PLEKHH1: variants seen among roughly 807,000 people sequenced by gnomAD.
PLEKHH1 encodes pleckstrin homology, MyTH4 and FERM domain containing H1.
Under a neutral mutation model 160.0 loss-of-function variants are expected in PLEKHH1, and 104 were observed. That is an observed-to-expected ratio of 0.65 (90% confidence interval 0.55 to 0.76). The LOEUF is 0.76. PLEKHH1 is among the 30% of genes least tolerant of loss of function. The pLI, the probability that PLEKHH1 is intolerant of heterozygous loss-of-function variation, is 0.00. For synonymous variants in PLEKHH1, 619 were observed against 678.4 expected (o/e 0.91, Z 1.36); for missense variants, 1,427 against 1,724.1 (o/e 0.83, Z 3.05).
At chr14:67,580,793 T>G in intron 22 of PLEKHH1, 145 bp from the exon 23 acceptor site, 2 of 595,932 alleles carry the variant, frequency 3.4e-6, no homozygotes, top group Non-Finnish European at 6.0e-6. Context: ...CCAGGAAGCA[T>G]GAAGCTCCGC....
In PLEKHH1 at chr14:67,576,271, A is replaced by C. The variant is rs369113325; in HGVS notation, c.2353-124A>C. 6 of 632,242 alleles carry C rather than the reference A, an allele frequency of 9.5e-6. No individual in the cohort carries two copies. Among genetic ancestry groups the C allele is most frequent in the South Asian group, 6.0e-5 (3 of 50,404 alleles). 39.2% of individuals were successfully genotyped at this position (632,242 alleles called of 1,614,324 possible). On this transcript the variant is annotated intron_variant, in intron 16 of 28. Transcript: ENST00000329153. The surrounding 1 kb of genome is among the most constrained non-coding windows in gnomAD (Gnocchi z 4.0). The stretch of plus-strand genomic sequence containing the variant: ...TCCTCAGTCTTTCCAGGTAGCCCTG[A>C]CTCATGCCAACCAAACTAGCTGAAC...
chr14:67,559,845 G>A (rs533951017), intron 5 of PLEKHH1, among the ~76,000 whole-genome samples, 154 bp downstream of exon 5: 5 of 152,202 alleles, frequency 3.3e-5, no homozygotes, highest in South Asian at 2.1e-4. Context: ...CTGAGACACC[G>A]TAGTTCACTT....
rs1261531795 is a variant in PLEKHH1, at chr14:67,588,891, A to G, written c.*1656A>G. The G allele has an allele frequency of 2.0e-5, 3 of 152,762 alleles. No individual in the cohort carries two copies. Among genetic ancestry groups the G allele is most frequent in the African/African-American group, 7.2e-5 (3 of 41,574 alleles). The allele number at this position is 152,762 out of a possible 1,614,324, so 9.5% of individuals were successfully genotyped here. On this transcript the variant is annotated 3_prime_UTR_variant, in exon 29 of 29. Coordinates refer to ENST00000329153, the MANE Select transcript of PLEKHH1 (RefSeq NM_020715.3). ...AAACTGACAAGCATGATGAAAAAAG[A>G]AGCACATCCAAGTTTCTGCCTCTTT...
At chr14:67,565,936 A>G (rs2035067532) in intron 7 of PLEKHH1, among the ~76,000 whole-genome samples, 1 of 152,172 alleles carries the variant, frequency 6.6e-6, no homozygotes, top group African/African-American at 2.4e-5. Context: ...CCTGGCCAAC[A>G]TGGCGAAACC....
Position 67,542,537 on chromosome 14 carries a change from A to G in PLEKHH1, c.126+544A>G, listed in dbSNP as rs549703209. ...GTCTACTTCTAAGAGTTATTTTGAG[A>G]ATTATATCAGATCACATATGTAAAG... On this transcript the variant is annotated intron_variant, in intron 2 of 28. Coordinates refer to ENST00000329153, the MANE Select transcript of PLEKHH1 (RefSeq NM_020715.3). Among the ~76,000 whole-genome samples, 33 of 152,176 alleles carry G rather than the reference A, an allele frequency of 2.2e-4. No individual in the cohort carries two copies. In the South Asian group the frequency reaches 6.4e-3, roughly 30 times the overall value.
Position 67,574,449 on chromosome 14 carries a change from T to A in PLEKHH1, c.2088+46T>A, listed in dbSNP as rs1462139270. ...GGCAGGAACATGTGCCTCCTGCGAA[T>A]CAGGGGAGCCAGGATTGGGGTGCCG... On this transcript the variant is annotated intron_variant, in intron 14 of 28. Transcript: ENST00000329153. This position sits in a 1 kb window ranked among gnomAD's most constrained non-coding sequence, Gnocchi z 4.2. 7.1e-7 allele frequency: 1 copy of A among 1,415,152 alleles called. No homozygotes were observed. Among genetic ancestry groups the A allele is most frequent in the Non-Finnish European group, 9.3e-7 (1 of 1,072,186 alleles). 87.7% of individuals were successfully genotyped at this position (1,415,152 alleles called of 1,614,324 possible). A position where few individuals can be genotyped will look rare whatever the true frequency, so the allele number is the denominator to read the frequency against.
intron 28 of PLEKHH1, 27 bp downstream of exon 28, chr14:67,586,124 C>A: frequency 6.2e-7 from 1 of 1,611,956 alleles, no homozygotes; most frequent in Non-Finnish European, 8.5e-7. Flanking sequence ...TTAAAACGTT[C>A]TACTCTGGCA....
intron 9 of PLEKHH1, 176 bp downstream of exon 9, chr14:67,570,188 T>A (rs1399971929): frequency 6.8e-6 from 2 of 292,714 alleles, no homozygotes. Flanking sequence ...TTATAAAAAT[T>A]CCACATTTAC....
chr14:67,573,247 T>C lies in PLEKHH1; in HGVS notation c.1729-29T>C. ...CTAGGAGCCCTGAGTGATTTCCCCTTTCTTCATCTACACCCTTCCACCCCT... is the reference window on the plus strand; with the variant it reads ...CTAGGAGCCCTGAGTGATTTCCCCTCTCTTCATCTACACCCTTCCACCCCT... On this transcript the variant is annotated intron_variant, in intron 11 of 28. Coordinates refer to ENST00000329153, the MANE Select transcript of PLEKHH1 (RefSeq NM_020715.3). This position sits in a 1 kb window ranked among gnomAD's most constrained non-coding sequence, Gnocchi z 4.8. The C allele has an allele frequency of 7.0e-7, 1 of 1,423,402 alleles. No homozygotes were observed. The highest frequency in any genetic ancestry group is 9.9e-7 in the Non-Finnish European group (1 of 1,009,950). The allele number at this position is 1,423,402 out of a possible 1,614,324, so 88.2% of individuals were successfully genotyped here.
chr14:67,573,436 C>A lies in PLEKHH1; in HGVS notation c.1839+50C>A, dbSNP rs1320338337. The A allele has an allele frequency of 9.0e-7, 1 of 1,112,350 alleles. No individual in the cohort carries two copies. Among genetic ancestry groups the A allele is most frequent in the Non-Finnish European group, 1.4e-6 (1 of 725,966 alleles). The allele number at this position is 1,112,350 out of a possible 1,614,324, so 68.9% of individuals were successfully genotyped here. On this transcript the variant is annotated intron_variant, in intron 12 of 28. Transcript: ENST00000329153. The surrounding 1 kb of genome is among the most constrained non-coding windows in gnomAD (Gnocchi z 4.8). ...GCAGTCAAAAGGTCTCCACATCACACCCTGGACTATGTCAGATGGGACGGA... is the reference window on the plus strand; with the variant it reads ...GCAGTCAAAAGGTCTCCACATCACAACCTGGACTATGTCAGATGGGACGGA...
chr14:67,565,932 C>T (rs1021973799), intron 7 of PLEKHH1, among the ~76,000 whole-genome samples: 20 of 152,110 alleles, frequency 1.3e-4, no homozygotes, highest in African/African-American at 4.8e-4. Context: ...CCAGCCTGGC[C>T]AACATGGCGA....
At chr14:67,545,288 G>A (rs1358833048) in intron 2 of PLEKHH1, among the ~76,000 whole-genome samples, 1 of 152,174 alleles carries the variant, frequency 6.6e-6, no homozygotes, top group Non-Finnish European at 1.5e-5. Context: ...AAGAAGGTTT[G>A]TACATTTCTA....
Position 67,588,336 on chromosome 14 carries a change from G to C in PLEKHH1, c.*1101G>C, listed in dbSNP as rs1054620968. 1 of 152,564 alleles carries C rather than the reference G, an allele frequency of 6.6e-6. No homozygotes were observed. The highest frequency in any genetic ancestry group is 2.4e-5 in the African/African-American group (1 of 41,426). 9.5% of individuals were successfully genotyped at this position (152,564 alleles called of 1,614,324 possible). A position where few individuals can be genotyped will look rare whatever the true frequency, so the allele number is the denominator to read the frequency against. On this transcript the variant is annotated 3_prime_UTR_variant, in exon 29 of 29. Transcript: ENST00000329153. Reference sequence around the variant, plus strand: ...TGCACTCTGCTTTTTGCTGCTGTAAGACCACCAAAAATGAGTCAGAAACAC... The same window carrying C: ...TGCACTCTGCTTTTTGCTGCTGTAACACCACCAAAAATGAGTCAGAAACAC...
Position 67,584,088 on chromosome 14 carries a change from A to C in PLEKHH1, c.3663A>C (p.Lys1221Asn). The change falls in exon 26 of 29, where the codon AAA (lysine) becomes AAC (asparagine). Residue 1221 changes from lysine (K) to asparagine (N), a missense_variant. Lys to Asn is a moderately conservative substitution (Grantham distance 94). Coordinates refer to ENST00000329153, the MANE Select transcript of PLEKHH1 (RefSeq NM_020715.3). ...CIRIYLTVAR[K>N]WPFFGAKLFA... is the part of the protein sequence containing the mutation. ...GCATCTACCTGACCGTGGCCAGGAA[A>C]TGGCCTTTCTTTGGTGCTAAACTTT... is the stretch of plus-strand genomic sequence containing the variant. The C allele has an allele frequency of 6.2e-7, 1 of 1,613,986 alleles. No homozygotes were observed. Among genetic ancestry groups the C allele is most frequent in the South Asian group, 1.1e-5 (1 of 91,082 alleles).
rs1462240674 is a variant in PLEKHH1 at position 67,588,437 on chromosome 14, G to A, written c.*1202G>A. 6.6e-6 allele frequency: 1 copy of A among 152,416 alleles called. No individual in the cohort carries two copies. The highest frequency in any genetic ancestry group is 2.4e-5 in the African/African-American group (1 of 41,426). The allele number at this position is 152,416 out of a possible 1,614,324, so 9.4% of individuals were successfully genotyped here. On this transcript the variant is annotated 3_prime_UTR_variant, in exon 29 of 29. Coordinates refer to ENST00000329153, the MANE Select transcript of PLEKHH1 (RefSeq NM_020715.3). Reference sequence around the variant, plus strand: ...GCAAACTTCTGCTGGGAATTAGTTTGAGGGTGAGGGTACATATGTGACATT... The same window carrying A: ...GCAAACTTCTGCTGGGAATTAGTTTAAGGGTGAGGGTACATATGTGACATT...
intron 3 of PLEKHH1, 72 bp downstream of exon 3, chr14:67,555,959 A>C: frequency 6.4e-7 from 1 of 1,559,746 alleles, no homozygotes. Flanking sequence ...CTTCCCACGG[A>C]CACAGGTGGA....
chr14:67,577,535 A>G, intron 18 of PLEKHH1, 121 bp downstream of exon 18: 1 of 671,090 alleles, frequency 1.5e-6, no homozygotes, highest in Non-Finnish European at 2.6e-6. Context: ...GAAACTTCCC[A>G]GGGTCCCTAT....
chr14:67,575,451 C>T lies in PLEKHH1; in HGVS notation c.2148C>T (p.Tyr716=). 1.2e-6 allele frequency: 2 copies of T among 1,606,016 alleles called. No homozygotes were observed. The highest frequency in any genetic ancestry group is 1.1e-5 in the South Asian group (1 of 89,284). Residue 716 remains tyrosine, a synonymous_variant, in exon 15 of 29, where the codon TAC becomes TAT. Transcript: ENST00000329153. ...CTCTTGTTGGGAAAATCTTCTACTACTATCGGAGCCATGAGGACAAGGTAC... is the reference window on the plus strand; with the variant it reads ...CTCTTGTTGGGAAAATCTTCTACTATTATCGGAGCCATGAGGACAAGGTAC... ...WCALVGKIFY[Y]YRSHEDKRPL...
chr14:67,587,388 T>G lies in PLEKHH1; in HGVS notation c.*153T>G. ...TTTAGTCTCTGTGAAGCCTTTACTC[T>G]CTAGGTGCCTTATAATGTTTCAGGG... is the stretch of plus-strand genomic sequence containing the variant. On this transcript the variant is annotated 3_prime_UTR_variant, in exon 29 of 29. Coordinates refer to ENST00000329153, the MANE Select transcript of PLEKHH1 (RefSeq NM_020715.3). The G allele has an allele frequency of 1.2e-6, 1 of 816,654 alleles. No homozygotes were observed. The highest frequency in any genetic ancestry group is 2.0e-6 in the Non-Finnish European group (1 of 495,852). 50.6% of individuals were successfully genotyped at this position (816,654 alleles called of 1,614,324 possible). A position where few individuals can be genotyped will look rare whatever the true frequency, so the allele number is the denominator to read the frequency against.
Sources: allele counts gnomAD v4.1 joint callset (sites outside exome capture counted in the v4.1 genomes callset), GRCh38; gene constraint gnomAD v4.1.1; non-coding constraint Gnocchi (gnomAD v3.1); transcripts MANE v1.5; gene names NCBI Gene and HGNC (gene_info 2026-07-23, HGNC 2026-07-21).